The following RASAL2 variants were observed in gnomAD, a reference collection of about 807,000 sequenced individuals.
The protein encoded by RASAL2 is RAS protein activator like 2.
Under a neutral mutation model 128.9 loss-of-function variants are expected in RASAL2, and 58 were observed. The observed-to-expected ratio is 0.45, with a 90% CI of 0.36 to 0.56. The LOEUF is 0.56. Among genes scored for constraint, RASAL2 ranks in the 20% least tolerant of loss-of-function variants. The pLI is 0.00. For missense variants in RASAL2, 1,360 were observed against 1,601.6 expected, an observed-to-expected ratio of 0.85 and a Z score of 2.57; for synonymous variants, 561 against 580.8, an observed-to-expected ratio of 0.97 and a Z score of 0.49.
intron 3 of RASAL2, among the ~76,000 whole-genome samples, chr1:178,336,105 A>G (rs773789952): frequency 3.3e-5 from 5 of 151,926 alleles, no homozygotes; most frequent in Non-Finnish European, 7.4e-5. Context: ...AATGGGCAAA[A>G]TAGTATAATT....
chr1:178,345,046 G>C (rs1670078524), intron 3 of RASAL2, among the ~76,000 whole-genome samples: 1 of 152,148 alleles, frequency 6.6e-6, no homozygotes. Flanking sequence ...TTAAAATTCA[G>C]ATGAAGGCCT....
In RASAL2 at chr1:178,467,330, C is replaced by G. The variant is rs139718360; in HGVS notation, c.3591-4C>G. On this transcript the variant is annotated splice_region_variant and splice_polypyrimidine_tract_variant and intron_variant, in intron 16 of 17. Transcript: ENST00000367649. ...GTTGATATTTCCTTCCTGCCACATT[C>G]TAGGCTAATGGCTGTGGAAGAGGAA... 3.5e-4 allele frequency: 559 copies of G among 1,613,164 alleles called. No homozygotes were observed. In the African/African-American group the frequency reaches 5.9e-3, roughly 17 times the overall value.
At chr1:178,163,689 A>G (rs1329217954) in intron 1 of RASAL2, among the ~76,000 whole-genome samples, 1 of 152,200 alleles carries the variant, frequency 6.6e-6, no homozygotes, top group Non-Finnish European at 1.5e-5. Context: ...GTAACTTTAT[A>G]GTAAGTTTTG....
At chr1:178,418,055 T>G (rs1480875408) in intron 4 of RASAL2, among the ~76,000 whole-genome samples, 1 of 152,094 alleles carries the variant, frequency 6.6e-6, no homozygotes, top group Non-Finnish European at 1.5e-5. Context: ...TATGTACTAA[T>G]GACTGTGACT....
chr1:178,117,666 A>G (rs1659564783), intron 1 of RASAL2, among the ~76,000 whole-genome samples: 3 of 152,274 alleles, frequency 2.0e-5, no homozygotes, highest in Non-Finnish European at 4.4e-5. Flanking sequence ...AGCTAGCTGT[A>G]TGGACTTTTC....
At chr1:178,425,884 A>G (rs1229305183) in intron 5 of RASAL2, among the ~76,000 whole-genome samples, 2 of 152,140 alleles carry the variant, frequency 1.3e-5, no homozygotes, top group African/African-American at 4.8e-5. Context: ...GCCCAATAAT[A>G]TAGGACTCTG....
intron 1 of RASAL2, among the ~76,000 whole-genome samples, chr1:178,202,320 C>G (rs1356759697): frequency 6.6e-5 from 10 of 152,204 alleles, no homozygotes; most frequent in African/African-American, 4.8e-5. Context: ...TTCTCTCCCC[C>G]AGCCTGCACT....
chr1:178,466,134 C>T lies in RASAL2; in HGVS notation c.3590+12C>T. 1.3e-6 allele frequency: 2 copies of T among 1,538,888 alleles called. No homozygotes were observed. Among genetic ancestry groups the T allele is most frequent in the Non-Finnish European group, 1.8e-6 (2 of 1,142,800 alleles). ...AGCATCATCAGCAGGTTAGACATCA[C>T]CTGGCAGCAGATGTGGGCTAGTTAG... is the stretch of plus-strand genomic sequence containing the variant. On this transcript the variant is annotated intron_variant, in intron 16 of 17. Coordinates refer to ENST00000367649, the MANE Select transcript of RASAL2 (RefSeq NM_170692.4).
At chr1:178,408,644 T>G (rs1674150421) in intron 4 of RASAL2, among the ~76,000 whole-genome samples, 2 of 151,966 alleles carry the variant, frequency 1.3e-5, no homozygotes. Flanking sequence ...TCTCTTTTTT[T>G]TCCTCATATT....
intron 1 of RASAL2, among the ~76,000 whole-genome samples, chr1:178,215,917 A>G (rs1330481570): frequency 6.6e-6 from 1 of 151,412 alleles, no homozygotes; most frequent in African/African-American, 2.4e-5. Context: ...CCAAGAAAAT[A>G]AAGATTTGTC....
chr1:178,418,790 G>T (rs907505089), intron 4 of RASAL2, among the ~76,000 whole-genome samples: 2 of 152,154 alleles, frequency 1.3e-5, no homozygotes, highest in African/African-American at 4.8e-5. Flanking sequence ...ATATGGTCAC[G>T]TGATTGTTTT....
intron 3 of RASAL2, among the ~76,000 whole-genome samples, chr1:178,370,471 T>G (rs929172687): frequency 3.9e-5 from 6 of 152,242 alleles, no homozygotes; most frequent in Non-Finnish European, 5.9e-5. Flanking sequence ...TTGTACTACT[T>G]CTCAATTTTT....
chr1:178,153,769 G>T (rs951542175), intron 1 of RASAL2, among the ~76,000 whole-genome samples: 1 of 150,016 alleles, frequency 6.7e-6, no homozygotes, highest in Non-Finnish European at 1.5e-5. Flanking sequence ...GCAGACACAA[G>T]TTTTTTTTTT....
intron 1 of RASAL2, among the ~76,000 whole-genome samples, chr1:178,225,941 T>C (rs768484958): frequency 2.0e-5 from 3 of 152,198 alleles, no homozygotes; most frequent in Non-Finnish European, 2.9e-5. Flanking sequence ...TCATGAGCAC[T>C]GCGTAGGTCT....
intron 1 of RASAL2, among the ~76,000 whole-genome samples, chr1:178,233,679 C>G (rs998197024): frequency 6.6e-6 from 1 of 152,194 alleles, no homozygotes. Context: ...CCGATCACTT[C>G]GAGCACCATT....
chr1:178,245,423 TG>T, intron 1 of RASAL2, among the ~76,000 whole-genome samples: 1 of 152,344 alleles, frequency 6.6e-6, no homozygotes, highest in East Asian at 1.9e-4. Flanking sequence ...TTGATGGGGT[TG>T]TTTTTTTCTT....
At chr1:178,353,198 C>A (rs1670611989) in intron 3 of RASAL2, among the ~76,000 whole-genome samples, 1 of 152,218 alleles carries the variant, frequency 6.6e-6, no homozygotes, top group Non-Finnish European at 1.5e-5. Context: ...CTTTTACTGT[C>A]CATTTCCCCT....
Position 178,308,712 on chromosome 1 carries a change from T to C in RASAL2, c.457+8594T>C, listed in dbSNP as rs77341921. Among the ~76,000 whole-genome samples, 26 of 142,528 alleles carry C rather than the reference T, an allele frequency of 1.8e-4. No individual in the cohort carries two copies. In the South Asian group the frequency reaches 5.4e-3, roughly 30 times the overall value. 93.5% of individuals were successfully genotyped at this position (142,528 alleles called of 152,430 possible). ...AGGCACTCACCACCATGCCTGGCTA[T>C]TTTTTTTTTTAATTTATTCTAGAGA... On this transcript the variant is annotated intron_variant, in intron 3 of 17. Coordinates refer to ENST00000367649, the MANE Select transcript of RASAL2 (RefSeq NM_170692.4).
At chr1:178,355,559 A>C (rs1269125500) in intron 3 of RASAL2, among the ~76,000 whole-genome samples, 1 of 152,250 alleles carries the variant, frequency 6.6e-6, no homozygotes, top group Non-Finnish European at 1.5e-5. Context: ...TAGCATCTTC[A>C]TGACCTGAGG....
Sources: gnomAD v4.1 joint callset for allele counts (sites outside exome capture counted in the v4.1 genomes callset) on GRCh38, gnomAD v4.1.1 for gene constraint, MANE v1.5 for transcripts, NCBI Gene and HGNC (gene_info 2026-07-23, HGNC 2026-07-21) for gene names.